Variants in SPHKAP observed in about 807,000 individuals in gnomAD.
The protein encoded by SPHKAP is A-kinase anchor protein SPHKAP.
SPHKAP carries 67 observed loss-of-function variants against 137.5 expected under a neutral mutation model. The observed-to-expected ratio is 0.49, with a 90% confidence interval of 0.40 to 0.60. SPHKAP has a LOEUF of 0.60. Ranked by LOEUF, SPHKAP falls within the 20% of genes least tolerant of loss-of-function variation. The pLI is 0.00. For synonymous variants in SPHKAP, 813 were observed against 785.3 expected (o/e 1.04, Z -0.59); for missense variants, 2,097 against 2,069.3 (o/e 1.01, Z -0.26).
chr2:228,150,181 T>C (rs1699888389), intron 1 of SPHKAP, among the ~76,000 whole-genome samples: 1 of 152,224 alleles, frequency 6.6e-6, no homozygotes, highest in Non-Finnish European at 1.5e-5. Context: ...CTCAGTTTTA[T>C]AACAATATTA....
At chr2:228,127,448 C>T (rs1403315070) in intron 2 of SPHKAP, among the ~76,000 whole-genome samples, 1 of 152,104 alleles carries the variant, frequency 6.6e-6, no homozygotes, top group African/African-American at 2.4e-5. Context: ...ATGGCAGCCC[C>T]ACAGTGGCAT....
At chr2:228,133,911 T>C (rs1299978668) in intron 1 of SPHKAP, among the ~76,000 whole-genome samples, 1 of 152,158 alleles carries the variant, frequency 6.6e-6, no homozygotes, top group African/African-American at 2.4e-5. Context: ...ATAAAATCTG[T>C]TTTGTTAAAA....
intron 7 of SPHKAP, among the ~76,000 whole-genome samples, chr2:228,000,082 C>T (rs192616662): frequency 2.6e-5 from 4 of 152,238 alleles, no homozygotes; most frequent in Non-Finnish European, 5.9e-5. Context: ...AACCCTCCTG[C>T]CCTCTAACCT....
chr2:228,130,390 C>T (rs1244734336), intron 2 of SPHKAP, among the ~76,000 whole-genome samples: 1 of 152,140 alleles, frequency 6.6e-6, no homozygotes, highest in East Asian at 1.9e-4. Flanking sequence ...GTAAACATTT[C>T]ACATCTATTA....
intron 3 of SPHKAP, among the ~76,000 whole-genome samples, chr2:228,051,621 C>T (rs1696258548): frequency 6.6e-6 from 1 of 152,140 alleles, no homozygotes; most frequent in African/African-American, 2.4e-5. Context: ...ACCTGAAGAC[C>T]CAGGTGAAGT....
At chr2:228,175,497 T>TA (rs1278887538) in intron 1 of SPHKAP, among the ~76,000 whole-genome samples, 1 of 152,152 alleles carries the variant, frequency 6.6e-6, no homozygotes, top group East Asian at 1.9e-4. Context: ...TTCTGCTTAA[T>TA]AAAAAACATC....
intron 1 of SPHKAP, among the ~76,000 whole-genome samples, chr2:228,146,291 G>A (rs973133479): frequency 2.0e-5 from 3 of 151,880 alleles, no homozygotes; most frequent in East Asian, 1.9e-4. Flanking sequence ...TCACATTAGC[G>A]CTCACTTTTG....
At chr2:228,173,616 C>T (rs746298393) in intron 1 of SPHKAP, among the ~76,000 whole-genome samples, 9 of 152,102 alleles carry the variant, frequency 5.9e-5, no homozygotes, top group Non-Finnish European at 8.8e-5. Context: ...AAGCAGCCTC[C>T]GGGAGCTGGA....
rs142266844 is a variant in SPHKAP, at chr2:228,074,449, T to C, written c.246+34383A>G. On this transcript the variant is annotated intron_variant, in intron 3 of 11. Transcript: ENST00000392056. Reference sequence around the variant, plus strand: ...AAGGGGAAGCAAGACACATCTTACATGGCAGCAGGCAAGAGAGGGAGAATG... The same window carrying C: ...AAGGGGAAGCAAGACACATCTTACACGGCAGCAGGCAAGAGAGGGAGAATG... Among the ~76,000 whole-genome samples, 326 of 152,248 alleles carry C rather than the reference T, an allele frequency of 2.1e-3. 2 individuals carry two copies. The highest frequency in any genetic ancestry group is 3.7e-3 in the Non-Finnish European group (250 of 68,004).
At chr2:228,134,102 A>C (rs1699354400) in intron 1 of SPHKAP, among the ~76,000 whole-genome samples, 1 of 134,966 alleles carries the variant, frequency 7.4e-6, no homozygotes, top group Non-Finnish European at 1.6e-5. Flanking sequence ...TAAAGAAAGG[A>C]AGGAAGGAAG....
At chr2:228,092,398 C>T (rs1304593599) in intron 3 of SPHKAP, among the ~76,000 whole-genome samples, 1 of 78,906 alleles carries the variant, frequency 1.3e-5, no homozygotes, top group South Asian at 4.3e-4. Context: ...TACATATATA[C>T]ACATATACAC....
intron 3 of SPHKAP, among the ~76,000 whole-genome samples, chr2:228,072,456 T>C (rs909451739): frequency 1.3e-5 from 2 of 152,158 alleles, no homozygotes; most frequent in Non-Finnish European, 2.9e-5. Context: ...TTTTGCATGA[T>C]GTGACACTGC....
intron 2 of SPHKAP, chr2:228,131,722 A>G (rs4246654): frequency 0.33 from 301,475 of 919,302 alleles, 50,190 homozygotes; most frequent in East Asian, 0.49. Context: ...CTAAGTTTAA[A>G]AAGAAGTACT....
intron 5 of SPHKAP, 70 bp from the exon 6 acceptor site, chr2:228,022,036 C>A: frequency 1.4e-6 from 2 of 1,475,508 alleles, no homozygotes; most frequent in South Asian, 1.5e-5. Context: ...CTGAGCTTTC[C>A]TTTTCCACCA....
intron 4 of SPHKAP, chr2:228,025,860 C>G: frequency 1.0e-6 from 1 of 984,832 alleles, no homozygotes; most frequent in Non-Finnish European, 1.2e-6. Context: ...TAAGACCTTG[C>G]ATAAAACATT....
chr2:228,157,713 G>A (rs1055972870), intron 1 of SPHKAP, among the ~76,000 whole-genome samples: 1 of 152,138 alleles, frequency 6.6e-6, no homozygotes, highest in African/African-American at 2.4e-5. Flanking sequence ...GCTTACGGAG[G>A]AAAGCTAAGG....
chr2:228,036,466 A>G lies in SPHKAP; in HGVS notation c.247-8923T>C, dbSNP rs1400468526. ...TAAACTAGTTCAACCATTGTGGAAGACAGTGTGTCCATTCCTCAGGGATCT... is the reference window on the plus strand; with the variant it reads ...TAAACTAGTTCAACCATTGTGGAAGGCAGTGTGTCCATTCCTCAGGGATCT... On this transcript the variant is annotated intron_variant, in intron 3 of 11. Transcript: ENST00000392056. Among the ~76,000 whole-genome samples the G allele has an allele frequency of 2.6e-5, 4 of 152,326 alleles. No homozygotes were observed. The East Asian group carries it at 7.7e-4, about 29-fold the overall frequency.
chr2:228,039,459 G>T (rs1261929342), intron 3 of SPHKAP, among the ~76,000 whole-genome samples: 2 of 151,978 alleles, frequency 1.3e-5, no homozygotes, highest in Non-Finnish European at 2.9e-5. Flanking sequence ...AGTATTATGG[G>T]TTATTAGCCA....
At chr2:228,106,668 A>G (rs1208079088) in intron 3 of SPHKAP, among the ~76,000 whole-genome samples, 2 of 152,096 alleles carry the variant, frequency 1.3e-5, no homozygotes, top group South Asian at 2.1e-4. Flanking sequence ...CTGTGTAGCT[A>G]TTTTGCTCAT....
Sources: gnomAD v4.1 joint callset for allele counts (sites outside exome capture counted in the v4.1 genomes callset) on GRCh38, gnomAD v4.1.1 for gene constraint, MANE v1.5 for transcripts, NCBI Gene and HGNC (gene_info 2026-07-23, HGNC 2026-07-21) for gene names.